Variants in RIN2 observed in about 807,000 individuals in gnomAD.
RIN2 encodes RAB5 interacting protein 2.
RIN2 carries 36 observed loss-of-function variants against 78.0 expected under a neutral mutation model. The observed-to-expected ratio is 0.46, with a 90% CI of 0.35 to 0.61. The LOEUF is 0.61. RIN2 is among the 20% of genes least tolerant of loss of function. The probability of loss-of-function intolerance (pLI) is 0.00; values close to 1 mark genes in which losing one functional copy is unlikely to be tolerated. For synonymous variants in RIN2, 466 were observed against 466.8 expected (o/e 1.00, Z 0.02); for missense variants, 1,087 against 1,159.7 (o/e 0.94, Z 0.91).
At position 19,872,736 on chromosome 20, in the gene RIN2, T is replaced by G. The variant is rs558098482; in HGVS notation, c.-36-16830T>G. Among the ~76,000 whole-genome samples the G allele has an allele frequency of 1.3e-4, 20 of 152,284 alleles. 1 individual carries two copies. In the East Asian group the frequency reaches 3.5e-3, roughly 26 times the overall value. On this transcript the variant is annotated intron_variant, in intron 2 of 12. Transcript: ENST00000255006. ...TATTCTAAAGGTAAAATCATGACATTAATAGAAAACTTTTTAAAAACTACA... is the reference window on the plus strand; with the variant it reads ...TATTCTAAAGGTAAAATCATGACATGAATAGAAAACTTTTTAAAAACTACA...
chr20:19,883,989 T>C (rs1568569416), intron 2 of RIN2, among the ~76,000 whole-genome samples: 3 of 151,374 alleles, frequency 2.0e-5, no homozygotes, highest in Admixed American at 2.0e-4. Flanking sequence ...ATGTGAAAGA[T>C]AGGGTTTCAC....
chr20:19,832,550 G>A (rs1488756466), intron 2 of RIN2, among the ~76,000 whole-genome samples: 2 of 151,672 alleles, frequency 1.3e-5, no homozygotes, highest in Non-Finnish European at 2.9e-5. Flanking sequence ...TCCGGGCCAT[G>A]ACCCACCAGC....
At chr20:19,902,647 C>T (rs775919146) in intron 3 of RIN2, among the ~76,000 whole-genome samples, 6 of 152,060 alleles carry the variant, frequency 3.9e-5, no homozygotes, top group African/African-American at 7.2e-5. Flanking sequence ...TTTCTGCTTG[C>T]GCTGGGTAAT....
At chr20:19,859,397 C>A (rs1450417338) in intron 2 of RIN2, among the ~76,000 whole-genome samples, 4 of 152,198 alleles carry the variant, frequency 2.6e-5, no homozygotes, top group Admixed American at 6.5e-5. Context: ...TGCTTCCATC[C>A]GAAGATTGAC....
At chr20:19,826,614 A>G (rs1245852448) in intron 2 of RIN2, among the ~76,000 whole-genome samples, 3 of 152,238 alleles carry the variant, frequency 2.0e-5, no homozygotes, top group African/African-American at 7.2e-5. Flanking sequence ...ACTGGTGTTT[A>G]GGAAACACTG....
chr20:19,857,321 T>G (rs1011919905), intron 2 of RIN2, among the ~76,000 whole-genome samples: 4 of 152,198 alleles, frequency 2.6e-5, no homozygotes, highest in African/African-American at 4.8e-5. Context: ...TGTTCCTTTT[T>G]GTTCCTGGGT....
chr20:19,924,442 A>C (rs889671218), intron 3 of RIN2, among the ~76,000 whole-genome samples: 2 of 73,646 alleles, frequency 2.7e-5, no homozygotes, highest in Middle Eastern at 0.015. Context: ...CCCCACCTTC[A>C]TACCCTCACC....
rs573592688 is a variant in RIN2, at chr20:19,811,430, T to C, written c.-37+11683T>C. Among the ~76,000 whole-genome samples the C allele has an allele frequency of 2.6e-5, 4 of 152,234 alleles. No homozygotes were observed. The South Asian group carries it at 6.2e-4, about 24-fold the overall frequency. ...ACTTCCTGGCACTTCTGGCCACCCA[T>C]GCGTGATTCAAGTATGCTCCTGTCA... On this transcript the variant is annotated intron_variant, in intron 2 of 12. Transcript: ENST00000255006.
Position 19,956,857 on chromosome 20 carries a change from C to T in RIN2, c.351+50C>T, listed in dbSNP as rs778656386. 8.3e-5 allele frequency: 118 copies of T among 1,421,666 alleles called. No homozygotes were observed. The Middle Eastern group carries it at 1.0e-3, about 13-fold the overall frequency. 88.1% of individuals were successfully genotyped at this position (1,421,666 alleles called of 1,614,324 possible). On this transcript the variant is annotated intron_variant, in intron 5 of 12. Transcript: ENST00000255006. ...AGGTTGAAGCAGGCAGGACTGCTGC[C>T]GGCTTAAAGAAAAACACTTGGAGTT... is the stretch of plus-strand genomic sequence containing the variant.
intron 9 of RIN2, among the ~76,000 whole-genome samples, chr20:19,980,125 G>T (rs1160868874): frequency 6.7e-6 from 1 of 148,816 alleles, no homozygotes; most frequent in Non-Finnish European, 1.5e-5. Context: ...TTAAAACCTT[G>T]AATCTTCTGA....
chr20:19,796,682 A>C (rs972060506), intron 1 of RIN2, among the ~76,000 whole-genome samples: 1 of 152,182 alleles, frequency 6.6e-6, no homozygotes, highest in African/African-American at 2.4e-5. Flanking sequence ...CTTCAAAAAT[A>C]GGGTTCCCAT....
intron 4 of RIN2, among the ~76,000 whole-genome samples, chr20:19,941,586 T>C (rs1337573309): frequency 2.6e-5 from 4 of 152,174 alleles, no homozygotes; most frequent in Non-Finnish European, 4.4e-5. Flanking sequence ...AACCTGTTAC[T>C]GCTACAGGGC....
At chr20:19,766,382 A>G (rs968944372) in intron 1 of RIN2, among the ~76,000 whole-genome samples, 4 of 152,098 alleles carry the variant, frequency 2.6e-5, no homozygotes, top group South Asian at 4.1e-4. Flanking sequence ...CTGTGCTTCC[A>G]TGGGACGTTG....
At chr20:19,895,035 T>G (rs1436094572) in intron 3 of RIN2, among the ~76,000 whole-genome samples, 3 of 152,062 alleles carry the variant, frequency 2.0e-5, no homozygotes, top group African/African-American at 7.2e-5. Flanking sequence ...GCCTCCAGCC[T>G]TGCCCACCAC....
intron 1 of RIN2, among the ~76,000 whole-genome samples, chr20:19,786,485 C>A (rs532256621): frequency 6.6e-6 from 1 of 152,190 alleles, no homozygotes; most frequent in Non-Finnish European, 1.5e-5. Flanking sequence ...TCCCCACCCC[C>A]ACACACTCTG....
At chr20:19,885,731 G>A (rs1316045059) in intron 2 of RIN2, among the ~76,000 whole-genome samples, 6 of 151,618 alleles carry the variant, frequency 4.0e-5, no homozygotes, top group African/African-American at 1.5e-4. Context: ...TCGAAGACAG[G>A]AGATTGTAAG....
At chr20:19,908,278 T>C (rs1287569952) in intron 3 of RIN2, among the ~76,000 whole-genome samples, 1 of 152,054 alleles carries the variant, frequency 6.6e-6, no homozygotes, top group Non-Finnish European at 1.5e-5. Flanking sequence ...GATCATGAGG[T>C]CAGGAGATCG....
At chr20:19,987,036 C>T (rs1011325135) in intron 9 of RIN2, among the ~76,000 whole-genome samples, 1 of 152,164 alleles carries the variant, frequency 6.6e-6, no homozygotes, top group African/African-American at 2.4e-5. Flanking sequence ...AAACGAAATG[C>T]TGTAGGAGAT....
intron 2 of RIN2, among the ~76,000 whole-genome samples, chr20:19,802,522 C>A (rs1014270611): frequency 6.6e-6 from 1 of 151,906 alleles, no homozygotes; most frequent in Non-Finnish European, 1.5e-5. Flanking sequence ...TGGCCTCCCT[C>A]CCTTCCCCTT....
Sources: allele counts gnomAD v4.1 joint callset (sites outside exome capture counted in the v4.1 genomes callset), GRCh38; gene constraint gnomAD v4.1.1; transcripts MANE v1.5; gene names NCBI Gene and HGNC (gene_info 2026-07-23, HGNC 2026-07-21).